The following EPHA4 variants were observed in gnomAD, a reference collection of about 807,000 sequenced individuals.
EPHA4 encodes the protein EPH receptor A4, also known as ephrin type-A receptor 4.
A neutral mutation model predicts 108.3 loss-of-function variants in EPHA4; 19 were observed. The observed-to-expected ratio is 0.18, with a 90% CI of 0.12 to 0.26. The LOEUF (loss-of-function observed/expected upper bound fraction) is 0.26, where lower values mean the gene tolerates loss of function less well. Ranked by LOEUF, EPHA4 falls within the 10% of genes least tolerant of loss-of-function variation. EPHA4 has a pLI of 1.00. For synonymous variants in EPHA4, 449 were observed against 455.5 expected (o/e 0.99, Z 0.18); for missense variants, 917 against 1,254.0 (o/e 0.73, Z 4.06).
rs188018033 is a variant in EPHA4, at chr2:221,419,388, T to C, written c.*1984A>G. ...CACTGGCATGTATTTTTCTGTGATA[T>C]TGGGAGACAAAGTATTAATCCAGGA... On this transcript the variant is annotated 3_prime_UTR_variant, in exon 18 of 18. Coordinates refer to ENST00000281821, the MANE Select transcript of EPHA4 (RefSeq NM_004438.5). 11 of 152,764 alleles carry C rather than the reference T, an allele frequency of 7.2e-5. No individual in the cohort carries two copies. In the East Asian group the frequency reaches 1.3e-3, roughly 19 times the overall value. The allele number at this position is 152,764 out of a possible 1,614,324, so 9.5% of individuals were successfully genotyped here. A position where few individuals can be genotyped will look rare whatever the true frequency, so the allele number is the denominator to read the frequency against.
At chr2:221,564,668 T>C (rs1311574566) in intron 2 of EPHA4, among the ~76,000 whole-genome samples, 1 of 152,074 alleles carries the variant, frequency 6.6e-6, no homozygotes, top group East Asian at 1.9e-4. Context: ...GGCAGTTCCT[T>C]GTGGTGGTCC....
chr2:221,487,565 T>C lies in EPHA4; in HGVS notation c.980-4875A>G, dbSNP rs901001030. 1.2e-4 allele frequency among the ~76,000 whole-genome samples: 18 copies of C among 152,374 alleles called. 1 individual carries two copies. In the East Asian group the frequency reaches 1.5e-3, roughly 13 times the overall value. ...TAAAGGTAGACAGGTATTTTCCATA[T>C]TAGTCTTTATGGAACAACAGCTTTT... On this transcript the variant is annotated intron_variant, in intron 4 of 17. Transcript: ENST00000281821.
chr2:221,465,717 GGTTAATGAC>G (rs1460640898), intron 5 of EPHA4, among the ~76,000 whole-genome samples: 2 of 152,098 alleles, frequency 1.3e-5, no homozygotes, highest in Admixed American at 1.3e-4. Context: ...GCCAGAGGGA[GGTTAATGAC>G]CCAGGCCCAT....
At chr2:221,454,838 G>A (rs1462525170) in intron 8 of EPHA4, among the ~76,000 whole-genome samples, 1 of 152,170 alleles carries the variant, frequency 6.6e-6, no homozygotes, top group East Asian at 1.9e-4. Flanking sequence ...CAGATTGTAA[G>A]TACTTAGAGG....
chr2:221,482,534 G>C lies in EPHA4; in HGVS notation c.1136C>G (p.Pro379Arg), dbSNP rs199971007. The C allele has an allele frequency of 6.2e-7, 1 of 1,613,990 alleles. No individual in the cohort carries two copies. Among genetic ancestry groups the C allele is most frequent in the East Asian group, 2.2e-5 (1 of 44,854 alleles). ...GGTGTAGTGGACCCCACTTCCACAG[G>C]GTCGGCACTTGCTGGGGTCACCAGC... ...CGAGDPSKCR[P>R]CGSGVHYTPQ... Residue 379 changes from proline to arginine, a missense_variant, in exon 5 of 18, where the codon CCC (proline) becomes CGC (arginine). By Grantham distance (103) the Pro-to-Arg change is moderately radical. This residue lies in a region of EPHA4 where 758 missense variants were observed against 1,076.7 expected (regional missense o/e 0.70). Transcript: ENST00000281821.
At chr2:221,463,352 G>T (rs1195369250) in intron 5 of EPHA4, among the ~76,000 whole-genome samples, 1 of 152,150 alleles carries the variant, frequency 6.6e-6, no homozygotes, top group East Asian at 1.9e-4. Flanking sequence ...AAAGAATGTT[G>T]TATTCCCAGT....
intron 5 of EPHA4, among the ~76,000 whole-genome samples, chr2:221,469,991 C>A (rs1008877687): frequency 6.6e-6 from 1 of 152,128 alleles, no homozygotes; most frequent in Non-Finnish European, 1.5e-5. Context: ...CAGCCACTGT[C>A]CTTTAGATCT....
At chr2:221,555,929 T>C (rs550031363) in intron 3 of EPHA4, among the ~76,000 whole-genome samples, 1 of 152,356 alleles carries the variant, frequency 6.6e-6, no homozygotes, top group Admixed American at 6.5e-5. Flanking sequence ...AAAAAGTTTT[T>C]AGGGCTTGAT....
intron 3 of EPHA4, among the ~76,000 whole-genome samples, chr2:221,558,369 T>C: frequency 6.6e-6 from 1 of 152,092 alleles, no homozygotes; most frequent in East Asian, 1.9e-4. Context: ...TAATTCTATA[T>C]GAGAAATTTA....
chr2:221,473,936 T>C (rs1158771643), intron 5 of EPHA4, among the ~76,000 whole-genome samples: 1 of 152,210 alleles, frequency 6.6e-6, no homozygotes, highest in African/African-American at 2.4e-5. Context: ...TGAATTTCTC[T>C]TCTTACAAAT....
At chr2:221,430,813 T>G (rs1006875691) in intron 14 of EPHA4, among the ~76,000 whole-genome samples, 1 of 152,106 alleles carries the variant, frequency 6.6e-6, no homozygotes, top group Non-Finnish European at 1.5e-5. Flanking sequence ...AAAAAACAAT[T>G]AAAAAAATTC....
chr2:221,481,156 T>A (rs1691804541), intron 5 of EPHA4, among the ~76,000 whole-genome samples: 2 of 152,142 alleles, frequency 1.3e-5, no homozygotes, highest in Non-Finnish European at 2.9e-5. Context: ...GATGAGTAAG[T>A]CAGAAGCGAA....
intron 14 of EPHA4, 103 bp from the exon 15 acceptor site, chr2:221,430,254 G>A: frequency 8.1e-7 from 1 of 1,231,050 alleles, no homozygotes; most frequent in South Asian, 1.5e-5. Context: ...CTGCCAGCAA[G>A]CTGGAGCCTG....
intron 3 of EPHA4, among the ~76,000 whole-genome samples, chr2:221,501,507 G>T (rs1692489661): frequency 6.6e-6 from 1 of 152,148 alleles, no homozygotes; most frequent in African/African-American, 2.4e-5. Flanking sequence ...AATTCTTACA[G>T]CACCCCTTTT....
chr2:221,424,904 C>T (rs1215454817), intron 17 of EPHA4, among the ~76,000 whole-genome samples: 1 of 152,164 alleles, frequency 6.6e-6, no homozygotes, highest in African/African-American at 2.4e-5. Context: ...CACCAAAGGA[C>T]AGGAGGAGCC....
At chr2:221,427,226 G>A (rs1279718245) in intron 15 of EPHA4, among the ~76,000 whole-genome samples, 1 of 152,188 alleles carries the variant, frequency 6.6e-6, no homozygotes, top group African/African-American at 2.4e-5. Context: ...GCCAAGGCTG[G>A]CAGAAGAACG....
At chr2:221,544,480 C>T (rs1183224592) in intron 3 of EPHA4, among the ~76,000 whole-genome samples, 1 of 152,150 alleles carries the variant, frequency 6.6e-6, no homozygotes, top group Non-Finnish European at 1.5e-5. Context: ...CATGCACCAC[C>T]AGGCCCTACT....
At chr2:221,465,047 A>AT (rs3835971) in intron 5 of EPHA4, among the ~76,000 whole-genome samples, 55 of 150,016 alleles carry the variant, frequency 3.7e-4, no homozygotes, top group South Asian at 3.4e-3. Flanking sequence ...TGAGAGATGC[A>AT]TTTTTTTTTT....
intron 5 of EPHA4, among the ~76,000 whole-genome samples, chr2:221,479,214 T>C (rs1184849069): frequency 6.6e-6 from 1 of 152,246 alleles, no homozygotes; most frequent in East Asian, 1.9e-4. Flanking sequence ...AACTTTCTAC[T>C]TTCAGGAGTA....
Sources: gnomAD v4.1 joint callset for allele counts (sites outside exome capture counted in the v4.1 genomes callset) on GRCh38, gnomAD v4.1.1 for gene constraint, gnomAD v4.1.1 regional missense constraint, MANE v1.5 for transcripts, NCBI Gene and HGNC (gene_info 2026-07-23, HGNC 2026-07-21) for gene names.